The following SAMD9L variants were observed in gnomAD, a reference collection of about 807,000 sequenced individuals.
SAMD9L encodes the protein sterile alpha motif domain-containing protein 9-like.
Under a neutral mutation model 90.7 loss-of-function variants are expected in SAMD9L, and 68 were observed. The observed-to-expected ratio is 0.75, with a 90% CI of 0.62 to 0.92. SAMD9L has a LOEUF of 0.92. SAMD9L is among the 40% of genes least tolerant of loss of function. The pLI is 0.00. For synonymous variants in SAMD9L, 640 were observed against 630.1 expected (o/e 1.02, Z -0.23); for missense variants, 1,604 against 1,824.3 (o/e 0.88, Z 2.20).
intron 4 of SAMD9L, among the ~76,000 whole-genome samples, chr7:93,136,526 G>C (rs1792460287): frequency 2.0e-5 from 3 of 152,150 alleles, no homozygotes; most frequent in African/African-American, 4.8e-5. Flanking sequence ...GAATGTGGTA[G>C]CAAAATGTCA....
intron 4 of SAMD9L, among the ~76,000 whole-genome samples, chr7:93,137,375 A>G (rs1792497075): frequency 6.6e-6 from 1 of 152,026 alleles, no homozygotes; most frequent in African/African-American, 2.4e-5. Context: ...CTTGTTGTGA[A>G]CTGTGCATAT....
chr7:93,132,467 G>T lies in SAMD9L; in HGVS notation c.3505C>A (p.Gln1169Lys), dbSNP rs1000141316. ...GTTTCATAGTTTTTACTATCAGTTT[G>T]CCTTTGGGATTCTTTGAAAGCTCTT... ...ASRAFKESQR[Q>K]TDSKNYETEN... Residue 1169 changes from glutamine (Q) to lysine (K), a missense_variant, in exon 5 of 5, where the codon CAA (glutamine) becomes AAA (lysine). Coordinates refer to ENST00000318238, the MANE Select transcript of SAMD9L (RefSeq NM_152703.5). 1 of 1,613,694 alleles carries T rather than the reference G, an allele frequency of 6.2e-7. No individual in the cohort carries two copies. Among genetic ancestry groups the T allele is most frequent in the Non-Finnish European group, 8.5e-7 (1 of 1,179,798 alleles).
rs1792363920 is a variant in SAMD9L at position 93,135,072 on chromosome 7, A to T, written c.900T>A (p.Ser300=). ...VEVLLQNNTP[S]DRFVIEVDTI... is the part of the protein sequence containing the mutation. ...TATCAACTTCAATGACAAATCTGTC[A>T]GATGGTGTATTGTTCTGCAGAAGGA... is the stretch of plus-strand genomic sequence containing the variant. Residue 300 remains serine (S), a synonymous_variant, in exon 5 of 5, where the codon TCT becomes TCA. Transcript: ENST00000318238. The T allele has an allele frequency of 6.2e-7, 1 of 1,613,264 alleles. No individual in the cohort carries two copies. The highest frequency in any genetic ancestry group is 8.5e-7 in the Non-Finnish European group (1 of 1,179,788).
chr7:93,131,956 C>G lies in SAMD9L; in HGVS notation c.4016G>C (p.Arg1339Thr). The change falls in exon 5 of 5, where the codon AGG becomes ACG. Residue 1339 changes from arginine (R) to threonine (T), a missense_variant. Arg to Thr is a moderately conservative substitution (Grantham distance 71). Coordinates refer to ENST00000318238, the MANE Select transcript of SAMD9L (RefSeq NM_152703.5). Reference protein sequence around the residue: ...RKKLEALRADRFAGLLEYLNP... With the variant: ...RKKLEALRADTFAGLLEYLNP... Reference sequence around the variant, plus strand: ...AAGATATTCCAAGAGTCCAGCAAACCTATCTGCTCTCAGAGCTTCTAGCTT... The same window carrying G: ...AAGATATTCCAAGAGTCCAGCAAACGTATCTGCTCTCAGAGCTTCTAGCTT... The G allele has an allele frequency of 6.2e-7, 1 of 1,612,524 alleles. No homozygotes were observed. Among genetic ancestry groups the G allele is most frequent in the Non-Finnish European group, 8.5e-7 (1 of 1,179,536 alleles).
At chr7:93,142,297 T>C (rs2116542180) in intron 4 of SAMD9L, among the ~76,000 whole-genome samples, 1 of 152,342 alleles carries the variant, frequency 6.6e-6, no homozygotes, top group South Asian at 2.1e-4. Context: ...ACAGACATTT[T>C]TGCCTGTCAT....
At chr7:93,144,527 G>A (rs972425295) in intron 4 of SAMD9L, among the ~76,000 whole-genome samples, 1 of 152,180 alleles carries the variant, frequency 6.6e-6, no homozygotes, top group African/African-American at 2.4e-5. Context: ...TTCACATTAG[G>A]GATTTGAGCA....
At chr7:93,140,861 A>G (rs1400187946) in intron 4 of SAMD9L, among the ~76,000 whole-genome samples, 1 of 152,144 alleles carries the variant, frequency 6.6e-6, no homozygotes, top group Non-Finnish European at 1.5e-5. Context: ...GTCTTTCCTC[A>G]TCTACTAGAT....
At position 93,133,860 on chromosome 7, in the gene SAMD9L, G is replaced by C; in HGVS notation, c.2112C>G (p.Asn704Lys). Reference protein sequence around the residue: ...SWWNFYFSSENYSSDFVKRDS... With the variant: ...SWWNFYFSSEKYSSDFVKRDS... Reference sequence around the variant, plus strand: ...CCCTTTTAACAAAATCTGAAGAATAGTTTTCAGAAGAAAAATAGAAGTTCC... The same window carrying C: ...CCCTTTTAACAAAATCTGAAGAATACTTTTCAGAAGAAAAATAGAAGTTCC... Residue 704 changes from asparagine (N) to lysine (K), a missense_variant, in exon 5 of 5, where the codon AAC becomes AAG. Asn to Lys is a moderately conservative substitution (Grantham distance 94, BLOSUM62 0). Around this residue, in one of 7 missense-constraint regions of SAMD9L, gnomAD observed 606 missense variants for 717.6 expected, o/e 0.84. Coordinates refer to ENST00000318238, the MANE Select transcript of SAMD9L (RefSeq NM_152703.5). The C allele has an allele frequency of 6.2e-7, 1 of 1,613,308 alleles. No homozygotes were observed. Among genetic ancestry groups the C allele is most frequent in the Non-Finnish European group, 8.5e-7 (1 of 1,179,656 alleles).
chr7:93,146,445 A>G (rs112260232), intron 2 of SAMD9L, among the ~76,000 whole-genome samples: 1,711 of 152,294 alleles, frequency 0.011, 27 homozygotes, highest in African/African-American at 0.039. Flanking sequence ...AATATTTTAT[A>G]TATTTTAACC....
chr7:93,130,984 A>G lies in SAMD9L; in HGVS notation c.*233T>C. The G allele has an allele frequency of 2.5e-6, 1 of 394,628 alleles. No homozygotes were observed. Among genetic ancestry groups the G allele is most frequent in the Non-Finnish European group, 4.5e-6 (1 of 223,170 alleles). The allele number at this position is 394,628 out of a possible 1,614,324, so 24.4% of individuals were successfully genotyped here. A position where few individuals can be genotyped will look rare whatever the true frequency, so the allele number is the denominator to read the frequency against. On this transcript the variant is annotated 3_prime_UTR_variant, in exon 5 of 5. Transcript: ENST00000318238. ...ATCAATGAAACTTCTTAATTATTTGAGTCTGAAAATGCATATTTAAAACAT... is the reference window on the plus strand; with the variant it reads ...ATCAATGAAACTTCTTAATTATTTGGGTCTGAAAATGCATATTTAAAACAT...
In SAMD9L at chr7:93,131,803, A is replaced by G; in HGVS notation, c.4169T>C (p.Leu1390Pro). ...KQNSILANII[L>P]SCLKPNSKLI... ...CTTGGAGTTGGGCTTTAGACAACTC[A>G]GAATAATGTTGGCCAAAATGGAATT... The change falls in exon 5 of 5, where the codon CTG (leucine) becomes CCG (proline). Residue 1390 changes from leucine (L) to proline (P), a missense_variant. Around this residue, in one of 7 missense-constraint regions of SAMD9L, gnomAD observed 282 missense variants for 329.6 expected, o/e 0.86. Coordinates refer to ENST00000318238, the MANE Select transcript of SAMD9L (RefSeq NM_152703.5). 1 of 1,613,462 alleles carries G rather than the reference A, an allele frequency of 6.2e-7. No individual in the cohort carries two copies. The highest frequency in any genetic ancestry group is 2.2e-5 in the East Asian group (1 of 44,876).
chr7:93,144,346 G>T (rs569113177), intron 4 of SAMD9L, among the ~76,000 whole-genome samples: 5 of 152,144 alleles, frequency 3.3e-5, no homozygotes, highest in African/African-American at 1.2e-4. Flanking sequence ...AAAAAAAATT[G>T]CATCTGTACT....
intron 1 of SAMD9L, among the ~76,000 whole-genome samples, chr7:93,147,406 A>G (rs911597084): frequency 6.6e-6 from 1 of 152,230 alleles, no homozygotes; most frequent in African/African-American, 2.4e-5. Context: ...GGCATCCTCA[A>G]CACTTCAGTT....
At chr7:93,137,734 G>GTTT (rs61599939) in intron 4 of SAMD9L, among the ~76,000 whole-genome samples, 2 of 121,934 alleles carry the variant, frequency 1.6e-5, no homozygotes, top group African/African-American at 6.1e-5. Context: ...AGGAACCTAA[G>GTTT]TTTTTTTTTT....
intron 1 of SAMD9L, among the ~76,000 whole-genome samples, chr7:93,147,744 T>G (rs935662361): frequency 6.6e-6 from 1 of 152,246 alleles, no homozygotes; most frequent in African/African-American, 2.4e-5. Context: ...TGAAATACTT[T>G]AATAGAATAA....
chr7:93,143,046 G>C (rs958275203), intron 4 of SAMD9L, among the ~76,000 whole-genome samples: 8 of 152,170 alleles, frequency 5.3e-5, no homozygotes, highest in Non-Finnish European at 7.3e-5. Context: ...GGTTGCGTGG[G>C]GGATAGCAGA....
intron 4 of SAMD9L, among the ~76,000 whole-genome samples, chr7:93,144,247 C>T (rs1343424499): frequency 1.3e-5 from 2 of 152,284 alleles, no homozygotes; most frequent in East Asian, 3.9e-4. Context: ...TTTTGAAACA[C>T]AGAGTTCTCT....
Position 93,131,139 on chromosome 7 carries a change from G to T in SAMD9L, c.*78C>A. 1 of 928,180 alleles carries T rather than the reference G, an allele frequency of 1.1e-6. No homozygotes were observed. Among genetic ancestry groups the T allele is most frequent in the Non-Finnish European group, 1.5e-6 (1 of 645,508 alleles). 57.5% of individuals were successfully genotyped at this position (928,180 alleles called of 1,614,324 possible). On this transcript the variant is annotated 3_prime_UTR_variant, in exon 5 of 5. Transcript: ENST00000318238. ...AGAGGTTAGCCATAATGTTATGAAAGTGCCATGAGAATAGAGAGAGAGAAT... is the reference window on the plus strand; with the variant it reads ...AGAGGTTAGCCATAATGTTATGAAATTGCCATGAGAATAGAGAGAGAGAAT...
Position 93,135,848 on chromosome 7 carries a change from C to T in SAMD9L, c.124G>A (p.Val42Ile), listed in dbSNP as rs1792426106. Residue 42 changes from valine to isoleucine, a missense_variant, in exon 5 of 5, where the codon GTA (valine) becomes ATA (isoleucine). Val to Ile is a conservative substitution (Grantham distance 29). This residue lies in a region of SAMD9L where 374 missense variants were observed against 363.6 expected (regional missense o/e 1.03). Coordinates refer to ENST00000318238, the MANE Select transcript of SAMD9L (RefSeq NM_152703.5). ...QYGQILLSEE[V>I]TGLVLQELTE... ...AATTCCTGCAGGACTAATCCTGTTA[C>T]TTCTTCACTGAGCAGAATTTGCCCG... 2 of 1,614,016 alleles carry T rather than the reference C, an allele frequency of 1.2e-6. No individual in the cohort carries two copies. Among genetic ancestry groups the T allele is most frequent in the Non-Finnish European group, 1.7e-6 (2 of 1,179,964 alleles).
Sources: gnomAD v4.1 joint callset for allele counts (sites outside exome capture counted in the v4.1 genomes callset) on GRCh38, gnomAD v4.1.1 for gene constraint, gnomAD v4.1.1 regional missense constraint, MANE v1.5 for transcripts, NCBI Gene and HGNC (gene_info 2026-07-23, HGNC 2026-07-21) for gene names.